Variants in ZNF385D observed in about 807,000 individuals in gnomAD.
The protein encoded by ZNF385D is zinc finger protein 659.
ZNF385D carries 15 observed loss-of-function variants against 35.8 expected under a neutral mutation model. The ratio of observed to expected loss-of-function variants is 0.42; its 90% CI spans 0.28 to 0.64. The LOEUF is 0.64. Among genes scored for constraint, ZNF385D ranks in the 30% least tolerant of loss-of-function variants. The probability of loss-of-function intolerance (pLI) is 0.23; values close to 1 mark genes in which losing one functional copy is unlikely to be tolerated. For missense variants in ZNF385D, 474 were observed against 494.6 expected (o/e 0.96, Z 0.39); for synonymous variants, 212 against 186.8 (o/e 1.13, Z -1.10).
intron 3 of ZNF385D, among the ~76,000 whole-genome samples, chr3:22,123,960 C>CTATA (rs1222647240): frequency 7.3e-4 from 53 of 72,846 alleles, no homozygotes; most frequent in Admixed American, 8.5e-4. Flanking sequence ...CTCTCTCTCT[C>CTATA]TCTATATATA....
intron 3 of ZNF385D, among the ~76,000 whole-genome samples, chr3:22,156,140 A>T (rs1405510508): frequency 6.6e-6 from 1 of 152,104 alleles, no homozygotes. Flanking sequence ...TAATTGTGCA[A>T]TGAGTACTTA....
chr3:22,252,073 G>A (rs1037377799), intron 2 of ZNF385D, among the ~76,000 whole-genome samples: 6 of 152,074 alleles, frequency 3.9e-5, no homozygotes, highest in African/African-American at 7.2e-5. Flanking sequence ...GGAACTCAGG[G>A]AAGGGAGAGA....
chr3:21,758,735 C>T (rs1309649873), intron 3 of ZNF385D, among the ~76,000 whole-genome samples: 1 of 151,984 alleles, frequency 6.6e-6, no homozygotes, highest in Admixed American at 6.6e-5. Flanking sequence ...CTCTCTCATG[C>T]CTCTCTTTCT....
chr3:22,034,724 T>C (rs1399693567), intron 3 of ZNF385D, among the ~76,000 whole-genome samples: 2 of 152,170 alleles, frequency 1.3e-5, no homozygotes, highest in African/African-American at 2.4e-5. Flanking sequence ...ATTTCACAAA[T>C]GTTTTAATTC....
chr3:21,685,867 G>A (rs1193274137), intron 1 of ZNF385D, among the ~76,000 whole-genome samples: 3 of 152,152 alleles, frequency 2.0e-5, no homozygotes, highest in Non-Finnish European at 2.9e-5. Flanking sequence ...AATAAGCCAC[G>A]CATGAAAGCA....
intron 2 of ZNF385D, among the ~76,000 whole-genome samples, chr3:22,226,195 A>T (rs1340155916): frequency 6.7e-6 from 1 of 148,666 alleles, no homozygotes; most frequent in African/African-American, 2.4e-5. Context: ...TTGATCCTAT[A>T]TAAAAAATAT....
At chr3:21,954,275 G>C (rs1702189764) in intron 3 of ZNF385D, among the ~76,000 whole-genome samples, 1 of 151,874 alleles carries the variant, frequency 6.6e-6, no homozygotes, top group African/African-American at 2.4e-5. Context: ...TTACATATTA[G>C]GTGATGTTTG....
intron 1 of ZNF385D, among the ~76,000 whole-genome samples, chr3:21,747,977 G>A (rs1326485905): frequency 6.6e-6 from 1 of 152,102 alleles, no homozygotes. Context: ...CACTCAGGTT[G>A]CTGACTGAGA....
intron 3 of ZNF385D, among the ~76,000 whole-genome samples, chr3:21,771,198 C>T (rs2071062971): frequency 6.6e-6 from 1 of 151,546 alleles, no homozygotes; most frequent in Admixed American, 6.6e-5. Flanking sequence ...ATGTGACAAA[C>T]CTGCACGTTG....
intron 4 of ZNF385D, among the ~76,000 whole-genome samples, chr3:21,469,964 G>A (rs1393910189): frequency 6.6e-6 from 1 of 152,122 alleles, no homozygotes; most frequent in Non-Finnish European, 1.5e-5. Flanking sequence ...AAGGACTAAG[G>A]ATATATCTAC....
At chr3:21,462,614 A>G (rs1051096636) in intron 4 of ZNF385D, among the ~76,000 whole-genome samples, 1 of 152,224 alleles carries the variant, frequency 6.6e-6, no homozygotes, top group Non-Finnish European at 1.5e-5. Context: ...ATCAAAATAA[A>G]ATTTAAAAGC....
At chr3:21,972,789 T>C (rs985314232) in intron 3 of ZNF385D, among the ~76,000 whole-genome samples, 1 of 151,896 alleles carries the variant, frequency 6.6e-6, no homozygotes, top group African/African-American at 2.4e-5. Context: ...TAGAGGCTAC[T>C]CTGAGCAACT....
intron 2 of ZNF385D, among the ~76,000 whole-genome samples, chr3:22,328,671 G>T (rs528658362): frequency 1.2e-4 from 18 of 152,072 alleles, no homozygotes; most frequent in African/African-American, 4.3e-4. Flanking sequence ...ACTGAGGCAG[G>T]AGAATCGCTT....
chr3:21,888,512 T>A (rs1293285974), intron 3 of ZNF385D, among the ~76,000 whole-genome samples: 2 of 151,810 alleles, frequency 1.3e-5, no homozygotes, highest in Non-Finnish European at 1.5e-5. Flanking sequence ...GAACAGAGAA[T>A]CAAACACCAG....
chr3:21,459,593 A>G (rs1703040305), intron 4 of ZNF385D: 1 of 152,212 alleles, frequency 6.6e-6, no homozygotes, highest in Non-Finnish European at 1.5e-5. Flanking sequence ...CAAGATGGCC[A>G]GTCAGGACAT....
At chr3:21,753,788 GT>G (rs112444532), upstream of ZNF385D, among the ~76,000 whole-genome samples, 7,621 of 84,420 alleles carry the variant, frequency 0.09, 545 homozygotes, top group African/African-American at 0.27. Flanking sequence ...TGTTGTTGTT[GT>G]TGTGTGTGTG....
intron 3 of ZNF385D, among the ~76,000 whole-genome samples, chr3:21,804,571 G>A (rs2072551161): frequency 6.6e-6 from 1 of 152,120 alleles, no homozygotes; most frequent in Admixed American, 6.5e-5. Flanking sequence ...CCCTCCCCCA[G>A]AGTGTGCAGA....
chr3:22,153,992 T>C (rs1705427116), intron 3 of ZNF385D, among the ~76,000 whole-genome samples: 1 of 152,172 alleles, frequency 6.6e-6, no homozygotes, highest in Admixed American at 6.6e-5. Flanking sequence ...TCATCACCTT[T>C]AGTTTTAGCA....
At chr3:21,427,916 A>T (rs997674459) in intron 5 of ZNF385D, among the ~76,000 whole-genome samples, 1 of 152,134 alleles carries the variant, frequency 6.6e-6, no homozygotes, top group African/African-American at 2.4e-5. Context: ...ACATATGATT[A>T]AAAATGTGGC....
Sources: allele counts gnomAD v4.1 joint callset (sites outside exome capture counted in the v4.1 genomes callset), GRCh38; gene constraint gnomAD v4.1.1; transcripts MANE v1.5; gene names NCBI Gene and HGNC (gene_info 2026-07-23, HGNC 2026-07-21).